Variants in CBX2 observed in about 807,000 individuals in gnomAD.
CBX2 encodes chromobox 2, also known as chromobox protein homolog 2.
A neutral mutation model predicts 21.0 loss-of-function variants in CBX2; 11 were observed. That is an observed-to-expected ratio of 0.52 (90% confidence interval 0.33 to 0.87). The LOEUF (loss-of-function observed/expected upper bound fraction) is 0.87, where lower values mean the gene tolerates loss of function less well. CBX2 is among the 40% of genes least tolerant of loss of function. The pLI, the probability that CBX2 is intolerant of heterozygous loss-of-function variation, is 0.02. For missense variants in CBX2, 746 were observed against 724.3 expected (o/e 1.03, Z -0.34); for synonymous variants, 364 against 304.6 (o/e 1.19, Z -2.03).
rs782787780 is a variant in CBX2 at position 79,784,409 on chromosome 17, G to A, written c.966G>A (p.Gly322=). 1.2e-5 allele frequency: 20 copies of A among 1,612,024 alleles called. No homozygotes were observed. Among genetic ancestry groups the A allele is most frequent in the Non-Finnish European group, 1.6e-5 (19 of 1,179,588 alleles). Residue 322 remains glycine, a synonymous_variant, in exon 5 of 5, where the codon GGG becomes GGA. Coordinates refer to ENST00000310942, the MANE Select transcript of CBX2 (RefSeq NM_005189.3). The surrounding 1 kb of genome is among the most constrained non-coding windows in gnomAD (Gnocchi z 5.9). ...PSGGAVEQKV[G]NTGGPPHTHG... ...GTGGGGCTGTGGAGCAGAAAGTGGG[G>A]AACACAGGGGGCCCCCCGCACACCC... is the stretch of plus-strand genomic sequence containing the variant.
rs1906941561 is a variant in CBX2, at chr17:79,778,865, C to T, written c.116+438C>T. 6.6e-6 allele frequency among the ~76,000 whole-genome samples: 1 copy of T among 152,132 alleles called. No individual in the cohort carries two copies. Among genetic ancestry groups the T allele is most frequent in the African/African-American group, 2.4e-5 (1 of 41,426 alleles). On this transcript the variant is annotated intron_variant, in intron 2 of 4. Transcript: ENST00000310942. The surrounding 1 kb of genome is among the most constrained non-coding windows in gnomAD (Gnocchi z 4.8). Reference sequence around the variant, plus strand: ...TCCCCGGAAGGGGCTCTCTGCACAGCTGCTCCCGCGGCCCCGTTTCTGCGT... The same window carrying T: ...TCCCCGGAAGGGGCTCTCTGCACAGTTGCTCCCGCGGCCCCGTTTCTGCGT...
Position 79,778,217 on chromosome 17 carries a change from G to C in CBX2, c.-19G>C. 2.2e-6 allele frequency: 3 copies of C among 1,334,694 alleles called. No individual in the cohort carries two copies. Among genetic ancestry groups the C allele is most frequent in the South Asian group, 1.9e-5 (1 of 51,478 alleles). 82.7% of individuals were successfully genotyped at this position (1,334,694 alleles called of 1,614,324 possible). On this transcript the variant is annotated 5_prime_UTR_variant, in exon 1 of 5. Coordinates refer to ENST00000310942, the MANE Select transcript of CBX2 (RefSeq NM_005189.3). This position sits in a 1 kb window ranked among gnomAD's most constrained non-coding sequence, Gnocchi z 4.8. ...GTGACTGGCGGCGGGCGCCGCGGTC[G>C]GGCTGGCTGCCGGGCAGCATGGAGG...
chr17:79,781,672 C>T (rs1437726676), intron 3 of CBX2, 24 bp from the exon 4 acceptor site: 2 of 1,594,676 alleles, frequency 1.3e-6, no homozygotes, highest in Admixed American at 1.7e-5. Flanking sequence ...GCTTCTCCCC[C>T]ATTAACTAGT....
rs1555831312 is a variant in CBX2 at position 79,784,686 on chromosome 17, G to C, written c.1243G>C (p.Ala415Pro). ...CGACACAAGCAAAAGTGAGAAGCTG[G>C]CTTCCAGAGCAGTGGCGCCACCCAC... is the stretch of plus-strand genomic sequence containing the variant. ...PTDTSKSEKL[A>P]SRAVAPPTPA... Residue 415 changes from alanine to proline, a missense_variant, in exon 5 of 5, where the codon GCT becomes CCT. Ala to Pro is a conservative substitution (Grantham distance 27, BLOSUM62 -1). Transcript: ENST00000310942. This position sits in a 1 kb window ranked among gnomAD's most constrained non-coding sequence, Gnocchi z 5.9. 2 of 1,612,046 alleles carry C rather than the reference G, an allele frequency of 1.2e-6. No homozygotes were observed. The highest frequency in any genetic ancestry group is 2.2e-5 in the East Asian group (1 of 44,834).
chr17:79,782,129 C>G (rs782076170), intron 4 of CBX2: 4 of 1,612,940 alleles, frequency 2.5e-6, no homozygotes, highest in Admixed American at 1.7e-5. Context: ...CGGAAAGGAA[C>G]AGGAAGCATG....
rs1907622020 is a variant in CBX2, at chr17:79,786,177, T to C, written c.*1135T>C. ...GAGGACAGCAGTGCTGGCACTTGGG[T>C]GTCCATGGGCCCGTCTGCCGGCTCT... On this transcript the variant is annotated 3_prime_UTR_variant, in exon 5 of 5. Coordinates refer to ENST00000310942, the MANE Select transcript of CBX2 (RefSeq NM_005189.3). 6.6e-6 allele frequency: 1 copy of C among 152,616 alleles called. No individual in the cohort carries two copies. The highest frequency in any genetic ancestry group is 1.5e-5 in the Non-Finnish European group (1 of 68,114). 9.5% of individuals were successfully genotyped at this position (152,616 alleles called of 1,614,324 possible).
rs1458281628 is a variant in CBX2 at position 79,778,330 on chromosome 17, C to CCCGCCCG, written c.72+32_72+38dup. The CCCGCCCG allele has an allele frequency of 2.6e-6, 4 of 1,566,752 alleles. No individual in the cohort carries two copies. Among genetic ancestry groups the CCCGCCCG allele is most frequent in the East Asian group, 2.3e-5 (1 of 42,914 alleles). On this transcript the variant is annotated intron_variant, in intron 1 of 4. Coordinates refer to ENST00000310942, the MANE Select transcript of CBX2 (RefSeq NM_005189.3). The surrounding 1 kb of genome is among the most constrained non-coding windows in gnomAD (Gnocchi z 4.8). The stretch of plus-strand genomic sequence containing the variant: ...AAGGTGCGTGCGGCCCGCCGGGCCC[C>CCCGCCCG]CCGCCCGCCGCCCGCTGTCCGTCTG...
chr17:79,779,837 C>T (rs540026967), intron 3 of CBX2: 1 of 285,972 alleles, frequency 3.5e-6, no homozygotes. Context: ...TCCAGCCCTG[C>T]ACGCGTGTGC....
At chr17:79,783,641 C>G (rs1907399248) in intron 4 of CBX2, 91 bp from the exon 5 acceptor site, 1 of 1,126,952 alleles carries the variant, frequency 8.9e-7, no homozygotes, top group African/African-American at 1.5e-5. Flanking sequence ...AACTCCTGAC[C>G]TCAGGTGATC....
At position 79,784,360 on chromosome 17, in the gene CBX2, G is replaced by C; in HGVS notation, c.917G>C (p.Ser306Thr). ...GAGCTGGGAATGAGCCCTCCAGGAA[G>C]CAAAATCCCGAAGGCCCCCAGCGGT... ...KGELGMSPPG[S>T]KIPKAPSGGA... The change falls in exon 5 of 5, where the codon AGC (serine) becomes ACC (threonine). Residue 306 changes from serine (S) to threonine (T), a missense_variant. Around this residue, in one of 2 missense-constraint regions of CBX2, gnomAD observed 701 missense variants for 650.7 expected, o/e 1.08. Transcript: ENST00000310942. This position sits in a 1 kb window ranked among gnomAD's most constrained non-coding sequence, Gnocchi z 5.9. The C allele has an allele frequency of 6.2e-7, 1 of 1,613,096 alleles. No homozygotes were observed. The highest frequency in any genetic ancestry group is 8.5e-7 in the Non-Finnish European group (1 of 1,179,882).
chr17:79,787,903 A>G lies in CBX2; in HGVS notation c.*2861A>G, dbSNP rs868915682. 2.0e-5 allele frequency: 3 copies of G among 152,228 alleles called. No individual in the cohort carries two copies. Among genetic ancestry groups the G allele is most frequent in the African/African-American group, 7.2e-5 (3 of 41,454 alleles). The allele number at this position is 152,228 out of a possible 1,614,324, so 9.4% of individuals were successfully genotyped here. A position where few individuals can be genotyped will look rare whatever the true frequency, so the allele number is the denominator to read the frequency against. The stretch of plus-strand genomic sequence containing the variant: ...TAAGGGGAGACTTCAGGGGAGGATC[A>G]AGCTTTGAACCAAAGCCAATCACTG... On this transcript the variant is annotated 3_prime_UTR_variant, in exon 5 of 5. Coordinates refer to ENST00000310942, the MANE Select transcript of CBX2 (RefSeq NM_005189.3).
rs1204418223 is a variant in CBX2 at position 79,786,333 on chromosome 17, G to T, written c.*1291G>T. 1 of 152,776 alleles carries T rather than the reference G, an allele frequency of 6.5e-6. No individual in the cohort carries two copies. The highest frequency in any genetic ancestry group is 1.5e-5 in the Non-Finnish European group (1 of 68,108). The allele number at this position is 152,776 out of a possible 1,614,324, so 9.5% of individuals were successfully genotyped here. On this transcript the variant is annotated 3_prime_UTR_variant, in exon 5 of 5. Transcript: ENST00000310942. ...CTGACAATCCCCATCACCTTTAGGG[G>T]TTCCCTGCTTGGCTCCTTTCCAGCT...
At chr17:79,781,068 G>A (rs1907153102) in intron 3 of CBX2, among the ~76,000 whole-genome samples, 1 of 151,810 alleles carries the variant, frequency 6.6e-6, no homozygotes, top group African/African-American at 2.4e-5. Flanking sequence ...GGGCGGGGGG[G>A]GTACTGCGAG....
intron 3 of CBX2, among the ~76,000 whole-genome samples, 175 bp from the exon 4 acceptor site, chr17:79,781,521 C>T (rs559963323): frequency 1.3e-5 from 2 of 152,282 alleles, no homozygotes; most frequent in South Asian, 4.1e-4. Context: ...GTTACTGACC[C>T]TAGTGCAAAG....
At position 79,782,315 on chromosome 17, in the gene CBX2, T is replaced by TG. The variant is rs1411832435; in HGVS notation, c.288+517dup. The TG allele has an allele frequency of 1.5e-5, 22 of 1,503,470 alleles. No individual in the cohort carries two copies. The Admixed American group carries it at 2.9e-4, about 20-fold the overall frequency. The allele number at this position is 1,503,470 out of a possible 1,614,324, so 93.1% of individuals were successfully genotyped here. On this transcript the variant is annotated intron_variant, in intron 4 of 4. Transcript: ENST00000310942. ...GCCTTGGAGGAGGGCAGAGGCAGTG[T>TG]GGGCTGATGATGTGCTTTGGCCTTC...
rs1555830343 is a variant in CBX2 at position 79,781,799 on chromosome 17, A to G, written c.286A>G (p.Lys96Glu). The G allele has an allele frequency of 1.9e-6, 3 of 1,613,062 alleles. No homozygotes were observed. The highest frequency in any genetic ancestry group is 2.5e-6 in the Non-Finnish European group (3 of 1,179,068). The stretch of plus-strand genomic sequence containing the variant: ...CTCCTGCAGCCGGCGCTCCAAGCTC[A>G]AGGTGGGTGGCTGCGCTGGGTATGC... ...MSSCSRRSKLKEPDAPSKSKS... is the reference protein window; with the variant it reads ...MSSCSRRSKLEEPDAPSKSKS... The change falls in exon 4 of 5, where the codon AAG (lysine) becomes GAG (glutamate). Residue 96 changes from lysine to glutamate, a missense_variant and splice_region_variant. Transcript: ENST00000310942.
At chr17:79,783,635 C>G in intron 4 of CBX2, 97 bp from the exon 5 acceptor site, 1 of 1,067,688 alleles carries the variant, frequency 9.4e-7, no homozygotes, top group Non-Finnish European at 1.4e-6. Context: ...GTCTTGAACT[C>G]CTGACCTCAG....
upstream of CBX2, chr17:79,778,058 T>TGGGCAGCGCGCGGGGGC (rs1906858687): frequency 6.9e-6 from 1 of 144,520 alleles, no homozygotes; most frequent in Non-Finnish European, 1.5e-5. This position sits in a 1 kb window ranked among gnomAD's most constrained non-coding sequence, Gnocchi z 4.8. Flanking sequence ...GCACGGGATT[T>TGGGCAGCGCGCGGGGGC]GGGCAGCGCG....
At chr17:79,779,032 G>A (rs961187287) in intron 2 of CBX2, among the ~76,000 whole-genome samples, 1 of 152,204 alleles carries the variant, frequency 6.6e-6, no homozygotes, top group Non-Finnish European at 1.5e-5. Flanking sequence ...CTCCGGGCCA[G>A]GGTTTGGGGG....
Sources: gnomAD v4.1 joint callset for allele counts (sites outside exome capture counted in the v4.1 genomes callset) on GRCh38, gnomAD v4.1.1 for gene constraint, gnomAD v4.1.1 regional missense constraint, Gnocchi (gnomAD v3.1) non-coding constraint, MANE v1.5 for transcripts, NCBI Gene and HGNC (gene_info 2026-07-23, HGNC 2026-07-21) for gene names.